The following PTBP3 variants were observed in gnomAD, a reference collection of about 807,000 sequenced individuals.
PTBP3 encodes polypyrimidine tract binding protein 3, also known as polypyrimidine tract-binding protein 3.
PTBP3 carries 20 observed loss-of-function variants against 58.7 expected under a neutral mutation model. The observed-to-expected ratio is 0.34, with a 90% CI of 0.24 to 0.50. PTBP3 has a LOEUF of 0.50. Ranked by LOEUF, PTBP3 falls within the 20% of genes least tolerant of loss-of-function variation. The pLI is 0.98. For missense variants in PTBP3, 509 were observed against 637.2 expected, an observed-to-expected ratio of 0.80 and a Z score of 2.17; for synonymous variants, 185 against 219.8, an observed-to-expected ratio of 0.84 and a Z score of 1.40.
chr9:112,317,726 ATCACGAGG>A (rs1166142377), intron 1 of PTBP3, among the ~76,000 whole-genome samples: 1 of 152,186 alleles, frequency 6.6e-6, no homozygotes, highest in Non-Finnish European at 1.5e-5. Context: ...AGGTGGGTGG[ATCACGAGG>A]TCAGGAGTTT....
rs1428086260 is a variant in PTBP3 at position 112,221,968 on chromosome 9, C to G, written c.*1883G>C. On this transcript the variant is annotated 3_prime_UTR_variant, in exon 14 of 14. Coordinates refer to ENST00000374257, the MANE Select transcript of PTBP3 (RefSeq NM_001163788.4). ...CCAGGGCTGGAGTGAAGTGGCTATT[C>G]ACAAATGTGATCATAGCGCACTGCA... The G allele has an allele frequency of 1.1e-6, 1 of 927,352 alleles. No homozygotes were observed. Among genetic ancestry groups the G allele is most frequent in the East Asian group, 1.2e-4 (1 of 8,480 alleles). The allele number at this position is 927,352 out of a possible 1,614,324, so 57.4% of individuals were successfully genotyped here. A position where few individuals can be genotyped will look rare whatever the true frequency, so the allele number is the denominator to read the frequency against.
At chr9:112,258,135 T>C (rs77038216) in intron 5 of PTBP3, among the ~76,000 whole-genome samples, 2,329 of 152,296 alleles carry the variant, frequency 0.015, 32 homozygotes, top group Non-Finnish European at 0.025. Context: ...TTATCTTTAT[T>C]ACAATTCAAA....
chr9:112,267,438 G>A (rs1056236922), intron 4 of PTBP3, among the ~76,000 whole-genome samples: 5 of 151,768 alleles, frequency 3.3e-5, no homozygotes, highest in African/African-American at 9.7e-5. Context: ...AACCGCGCCC[G>A]GCCAAAAACC....
At chr9:112,291,606 C>CA (rs1828431710) in intron 2 of PTBP3, among the ~76,000 whole-genome samples, 1 of 152,088 alleles carries the variant, frequency 6.6e-6, no homozygotes, top group African/African-American at 2.4e-5. Flanking sequence ...GCCAAGGCTA[C>CA]ACGATAGGAA....
chr9:112,285,032 G>C (rs1215893524), intron 2 of PTBP3, among the ~76,000 whole-genome samples: 9 of 60,606 alleles, frequency 1.5e-4, no homozygotes, highest in Non-Finnish European at 2.9e-5. Flanking sequence ...AAAAGGATGT[G>C]AAATTTGGGA....
At chr9:112,301,605 G>A (rs1828940716) in intron 1 of PTBP3, among the ~76,000 whole-genome samples, 1 of 152,202 alleles carries the variant, frequency 6.6e-6, no homozygotes, top group South Asian at 2.1e-4. Flanking sequence ...AGAGATGGTT[G>A]GGTGGAGGTG....
intron 12 of PTBP3, among the ~76,000 whole-genome samples, chr9:112,224,606 G>C (rs1362137169): frequency 2.6e-5 from 4 of 152,130 alleles, no homozygotes; most frequent in African/African-American, 7.2e-5. Context: ...ATTTTCAACT[G>C]TTTGCAGGGT....
chr9:112,368,005 T>C, the PTBP3 span, among the ~76,000 whole-genome samples: 15 of 152,284 alleles, frequency 9.9e-5, no homozygotes, highest in South Asian at 3.1e-3. Flanking sequence ...CTTTTCATTG[T>C]TGTTGTTGAG....
chr9:112,333,162 G>A (rs981761388), intron 1 of PTBP3: 23 of 1,202,824 alleles, frequency 1.9e-5, no homozygotes, highest in Admixed American at 4.3e-5. Context: ...GGGGCGCGGA[G>A]GGCGGACCTC....
chr9:112,330,007 G>A (rs1045359503), intron 1 of PTBP3, among the ~76,000 whole-genome samples: 59 of 151,800 alleles, frequency 3.9e-4, no homozygotes, highest in African/African-American at 1.3e-3. Flanking sequence ...CACCATGCCC[G>A]GCTAATTTTT....
At chr9:112,311,621 C>CTGATATGATA (rs1829478840) in intron 1 of PTBP3, among the ~76,000 whole-genome samples, 1 of 151,956 alleles carries the variant, frequency 6.6e-6, no homozygotes, top group Non-Finnish European at 1.5e-5. Context: ...GGATTTTGGC[C>CTGATATGATA]CCCCCTAGAT....
the PTBP3 span, among the ~76,000 whole-genome samples, chr9:112,339,290 CAAAA>C: frequency 5.2e-4 from 37 of 71,706 alleles, no homozygotes; most frequent in African/African-American, 1.7e-3. Context: ...GACTCTGTCT[CAAAA>C]AAAAAAAAAA....
intron 8 of PTBP3, among the ~76,000 whole-genome samples, chr9:112,234,542 T>G (rs999769061): frequency 3.9e-5 from 6 of 152,182 alleles, no homozygotes; most frequent in Non-Finnish European, 8.8e-5. Context: ...AAATCTAAGG[T>G]TATTTAATGT....
intron 1 of PTBP3, among the ~76,000 whole-genome samples, chr9:112,321,528 GAA>G (rs34348679): frequency 7.0e-6 from 1 of 143,264 alleles, no homozygotes. Context: ...GACGTAGTCT[GAA>G]AAAAAAAAAA....
chr9:112,370,387 CA>C, the PTBP3 span, among the ~76,000 whole-genome samples: 1 of 151,906 alleles, frequency 6.6e-6, no homozygotes, highest in Non-Finnish European at 1.5e-5. Context: ...ACCAGAAATA[CA>C]AAAAAATAGT....
In PTBP3 at chr9:112,331,895, C is replaced by T. The variant is rs1830392489; in HGVS notation, c.-52+1575G>A. On this transcript the variant is annotated intron_variant, in intron 1 of 13. Coordinates refer to ENST00000374257, the MANE Select transcript of PTBP3 (RefSeq NM_001163788.4). ...AAGAGTCCTCTTTATTATAACTATA[C>T]ATTTTACGACACAAAAAAATAGCCT... is the stretch of plus-strand genomic sequence containing the variant. 2.0e-5 allele frequency among the ~76,000 whole-genome samples: 3 copies of T among 152,176 alleles called. No individual in the cohort carries two copies. The South Asian group carries it at 6.2e-4, about 32-fold the overall frequency.
At chr9:112,233,188 A>G (rs1835309144) in intron 8 of PTBP3, among the ~76,000 whole-genome samples, 1 of 151,684 alleles carries the variant, frequency 6.6e-6, no homozygotes, top group African/African-American at 2.4e-5. Flanking sequence ...ATGCCCCTCC[A>G]GTCCAACCCT....
At chr9:112,313,501 C>G (rs539812713) in intron 1 of PTBP3, among the ~76,000 whole-genome samples, 1 of 152,194 alleles carries the variant, frequency 6.6e-6, no homozygotes, top group Non-Finnish European at 1.5e-5. Context: ...TATTTTGTAA[C>G]TTAATTTGTG....
chr9:112,237,312 T>C (rs1482613155), intron 7 of PTBP3, among the ~76,000 whole-genome samples: 1 of 152,224 alleles, frequency 6.6e-6, no homozygotes, highest in Admixed American at 6.5e-5. Context: ...TGGATTCATA[T>C]CTTCATTTCA....
Sources: allele counts gnomAD v4.1 joint callset (sites outside exome capture counted in the v4.1 genomes callset), GRCh38; gene constraint gnomAD v4.1.1; transcripts MANE v1.5; gene names NCBI Gene and HGNC (gene_info 2026-07-23, HGNC 2026-07-21).